Variants in ATP12A observed in about 807,000 individuals in gnomAD.
ATP12A encodes the protein potassium-transporting ATPase alpha chain 2.
Under a neutral mutation model 111.2 loss-of-function variants are expected in ATP12A, and 81 were observed. The ratio of observed to expected loss-of-function variants is 0.73; its 90% CI spans 0.61 to 0.88. ATP12A has a LOEUF of 0.88. Ranked by LOEUF, ATP12A falls within the 40% of genes least tolerant of loss-of-function variation. The probability of loss-of-function intolerance (pLI) is 0.00; values close to 1 mark genes in which losing one functional copy is unlikely to be tolerated. For synonymous variants in ATP12A, 498 were observed against 499.8 expected (o/e 1.00, Z 0.05); for missense variants, 1,196 against 1,313.1 (o/e 0.91, Z 1.38).
chr13:24,680,842 G>A, intron 1 of ATP12A, 90 bp downstream of exon 1: 3 of 1,404,670 alleles, frequency 2.1e-6, no homozygotes, highest in East Asian at 6.1e-5. Flanking sequence ...CGAGGAAAAG[G>A]CGAAGAGGAG....
chr13:24,704,588 G>C (rs1046181065), intron 14 of ATP12A: 1 of 162,524 alleles, frequency 6.2e-6, no homozygotes, highest in African/African-American at 2.4e-5. Flanking sequence ...GGCCCGTATA[G>C]TGTCTTTGTG....
Position 24,697,287 on chromosome 13 carries a change from C to T in ATP12A, c.1513-1371C>T, listed in dbSNP as rs774749135. Among the ~76,000 whole-genome samples, 5 of 152,120 alleles carry T rather than the reference C, an allele frequency of 3.3e-5. No individual in the cohort carries two copies. In the East Asian group the frequency reaches 5.8e-4, roughly 18 times the overall value. On this transcript the variant is annotated intron_variant, in intron 11 of 22. Transcript: ENST00000381946. Reference sequence around the variant, plus strand: ...ACAGCACTTAGAACAGTGCCTGGCACGTGGTACATACCATAAAAGTGTTTC... The same window carrying T: ...ACAGCACTTAGAACAGTGCCTGGCATGTGGTACATACCATAAAAGTGTTTC...
chr13:24,692,985 A>G, intron 10 of ATP12A, 89 bp downstream of exon 10: 2 of 1,247,884 alleles, frequency 1.6e-6, no homozygotes, highest in Non-Finnish European at 2.3e-6. Context: ...TCATCTCTCC[A>G]GTTGCTTAAA....
intron 11 of ATP12A, 119 bp downstream of exon 11, chr13:24,694,697 G>A: frequency 1.3e-6 from 2 of 1,499,396 alleles, no homozygotes; most frequent in South Asian, 1.2e-5. Flanking sequence ...CAGTCGTCAG[G>A]GATACAGCAC....
intron 3 of ATP12A, among the ~76,000 whole-genome samples, chr13:24,686,245 C>T (rs953440080): frequency 1.3e-5 from 2 of 151,396 alleles, no homozygotes; most frequent in Non-Finnish European, 2.9e-5. Flanking sequence ...TTGAGACCAG[C>T]CTGACCAACA....
Position 24,692,851 on chromosome 13 carries a change from C to A in ATP12A, c.1332C>A (p.Asn444Lys). The change falls in exon 10 of 23, where the codon AAC (asparagine) becomes AAA (lysine). Residue 444 changes from asparagine to lysine, a missense_variant. Asn to Lys is a moderately conservative substitution (Grantham distance 94). Transcript: ENST00000381946. Reference sequence around the variant, plus strand: ...TATCCAAGATAATAACATTGTGTAACCGAGCAGAGTTCAAGCCAGGACAGG... The same window carrying A: ...TATCCAAGATAATAACATTGTGTAAACGAGCAGAGTTCAAGCCAGGACAGG... ...ASLSKIITLCNRAEFKPGQEN... is the reference protein window; with the variant it reads ...ASLSKIITLCKRAEFKPGQEN... 1 of 1,614,174 alleles carries A rather than the reference C, an allele frequency of 6.2e-7. No individual in the cohort carries two copies. Among genetic ancestry groups the A allele is most frequent in the Non-Finnish European group, 8.5e-7 (1 of 1,180,038 alleles).
At chr13:24,706,587 T>A in intron 15 of ATP12A, 124 bp downstream of exon 15, 3 of 1,384,308 alleles carry the variant, frequency 2.2e-6, no homozygotes, top group South Asian at 1.5e-5. Flanking sequence ...TCTTGGCTCA[T>A]CCCCATCACC....
chr13:24,693,724 T>G (rs1875008811), intron 10 of ATP12A, among the ~76,000 whole-genome samples: 1 of 152,276 alleles, frequency 6.6e-6, no homozygotes, highest in African/African-American at 2.4e-5. Context: ...ACCATTCTAT[T>G]TGTCATTGGA....
In ATP12A at chr13:24,692,853, G is replaced by C. The variant is rs769564297; in HGVS notation, c.1334G>C (p.Arg445Pro). 3.1e-6 allele frequency: 5 copies of C among 1,614,042 alleles called. No homozygotes were observed. Among genetic ancestry groups the C allele is most frequent in the Non-Finnish European group, 3.4e-6 (4 of 1,180,042 alleles). Residue 445 changes from arginine to proline, a missense_variant, in exon 10 of 23, where the codon CGA (arginine) becomes CCA (proline). Coordinates refer to ENST00000381946, the MANE Select transcript of ATP12A (RefSeq NM_001676.7). ...TCCAAGATAATAACATTGTGTAACC[G>C]AGCAGAGTTCAAGCCAGGACAGGAA... ...SLSKIITLCN[R>P]AEFKPGQENV...
rs962987331 is a variant in ATP12A, at chr13:24,710,377, T to C, written c.2764-83T>C. On this transcript the variant is annotated intron_variant, in intron 19 of 22. Transcript: ENST00000381946. ...GTCCGGGTGAGGTGTGGAAAGAACA[T>C]GAAGCTTTAGAGAACTGCATTGGAA... 2.6e-6 allele frequency: 4 copies of C among 1,539,830 alleles called. No individual in the cohort carries two copies. The African/African-American group carries it at 5.5e-5, about 21-fold the overall frequency.
chr13:24,682,400 T>TGTGCG (rs1491158117), intron 2 of ATP12A, among the ~76,000 whole-genome samples: 1 of 149,818 alleles, frequency 6.7e-6, no homozygotes, highest in African/African-American at 2.5e-5. Context: ...GTGGTGTGTG[T>TGTGCG]ATGTGTGTGT....
At position 24,689,370 on chromosome 13, in the gene ATP12A, C is replaced by T. The variant is rs1256752501; in HGVS notation, c.541C>T (p.Pro181Ser). The T allele has an allele frequency of 6.2e-7, 1 of 1,613,612 alleles. No individual in the cohort carries two copies. The highest frequency in any genetic ancestry group is 8.5e-7 in the Non-Finnish European group (1 of 1,179,704). The change falls in exon 5 of 23, where the codon CCT becomes TCT. Residue 181 changes from proline (P) to serine (S), a missense_variant. Pro to Ser is a moderately conservative substitution (Grantham distance 74). Around this residue, in one of 3 missense-constraint regions of ATP12A, gnomAD observed 1,126 missense variants for 1,228.5 expected, o/e 0.92. Transcript: ENST00000381946. ...NIMSSFNKMI[P>S]QQALVIRDSE... is the part of the protein sequence containing the mutation. The stretch of plus-strand genomic sequence containing the variant: ...CATGTCCAGCTTCAATAAGATGATC[C>T]CTCAGGTGAGTGGCAGCCACCTATC...
chr13:24,711,702 T>C lies in ATP12A; in HGVS notation c.*180T>C. On this transcript the variant is annotated 3_prime_UTR_variant, in exon 23 of 23. Coordinates refer to ENST00000381946, the MANE Select transcript of ATP12A (RefSeq NM_001676.7). ...GATGTTTTGCACTTTAAAACTGAAA[T>C]TCAACTCTTTATATAGGATTTTCTT... 1 of 739,264 alleles carries C rather than the reference T, an allele frequency of 1.4e-6. No homozygotes were observed. The highest frequency in any genetic ancestry group is 1.9e-5 in the South Asian group (1 of 53,100). 45.8% of individuals were successfully genotyped at this position (739,264 alleles called of 1,614,324 possible).
At chr13:24,706,901 T>TTTCC (rs1875676264) in intron 15 of ATP12A, 122 bp from the exon 16 acceptor site, 12 of 1,131,704 alleles carry the variant, frequency 1.1e-5, no homozygotes, top group Admixed American at 3.0e-5. Flanking sequence ...TAAATGGGCC[T>TTTCC]TTCCGTTCAG....
intron 12 of ATP12A, among the ~76,000 whole-genome samples, chr13:24,699,667 G>A (rs1188362581): frequency 6.6e-6 from 1 of 152,220 alleles, no homozygotes; most frequent in East Asian, 1.9e-4. Flanking sequence ...TGTCAGGAAG[G>A]AAGGAACCTT....
At chr13:24,691,787 G>A (rs1874917607) in intron 8 of ATP12A, among the ~76,000 whole-genome samples, 4 of 152,146 alleles carry the variant, frequency 2.6e-5, no homozygotes, top group Non-Finnish European at 5.9e-5. Flanking sequence ...GTCTCAAGGG[G>A]TAGGAGAGGA....
rs1159005876 is a variant in ATP12A, at chr13:24,709,665, T to C, written c.2618-18T>C. 15 of 1,612,814 alleles carry C rather than the reference T, an allele frequency of 9.3e-6. No homozygotes were observed. Among genetic ancestry groups the C allele is most frequent in the Admixed American group, 8.3e-5 (5 of 59,984 alleles). ...AGGCCATCATAGAACCTGTGTCCTA[T>C]CTCTCTTGTTCTTTCAGGCCTCATG... On this transcript the variant is annotated intron_variant, in intron 18 of 22. Coordinates refer to ENST00000381946, the MANE Select transcript of ATP12A (RefSeq NM_001676.7).
chr13:24,682,217 GGTGT>G (rs1338507673), intron 2 of ATP12A, among the ~76,000 whole-genome samples: 1 of 134,188 alleles, frequency 7.5e-6, no homozygotes, highest in African/African-American at 2.8e-5. Flanking sequence ...TGGTGTGTGT[GGTGT>G]GTGTATGTGC....
In ATP12A at chr13:24,690,624, G is replaced by A. The variant is rs755329459; in HGVS notation, c.702G>A (p.Thr234=). The change falls in exon 7 of 23, where the codon ACG becomes ACA. Residue 234 remains threonine, a synonymous_variant. Coordinates refer to ENST00000381946, the MANE Select transcript of ATP12A (RefSeq NM_001676.7). The part of the protein sequence containing the change: ...QGCRVDNSSL[T]GESEPQPRSS... ...TCTAGGTGGATAACTCATCTCTCAC[G>A]GGGGAGTCTGAGCCCCAGCCCCGCT... 20 of 1,612,330 alleles carry A rather than the reference G, an allele frequency of 1.2e-5. No individual in the cohort carries two copies. The highest frequency in any genetic ancestry group is 5.0e-5 in the Admixed American group (3 of 59,626).
Sources: gnomAD v4.1 joint callset for allele counts (sites outside exome capture counted in the v4.1 genomes callset) on GRCh38, gnomAD v4.1.1 for gene constraint, gnomAD v4.1.1 regional missense constraint, MANE v1.5 for transcripts, NCBI Gene and HGNC (gene_info 2026-07-23, HGNC 2026-07-21) for gene names.